PLEKHA6: variants seen among roughly 807,000 people sequenced by gnomAD.
PLEKHA6 encodes pleckstrin homology domain containing A6.
Under a neutral mutation model 116.7 loss-of-function variants are expected in PLEKHA6, and 60 were observed. That is an observed-to-expected ratio of 0.51 (90% CI 0.42 to 0.64). The LOEUF (loss-of-function observed/expected upper bound fraction) is 0.64. Ranked by LOEUF, PLEKHA6 falls within the 30% of genes least tolerant of loss-of-function variation. PLEKHA6 has a pLI of 0.00. For synonymous variants in PLEKHA6, 489 were observed against 556.1 expected, an observed-to-expected ratio of 0.88 and a Z score of 1.70; for missense variants, 1,338 against 1,422.7, an observed-to-expected ratio of 0.94 and a Z score of 0.96.
At chr1:204,302,855 G>T (rs151041642) in intron 1 of PLEKHA6, among the ~76,000 whole-genome samples, 2,955 of 151,160 alleles carry the variant, frequency 0.02, 83 homozygotes, top group African/African-American at 0.065. Flanking sequence ...CAGCCTGGGG[G>T]ACAAGAGCAA....
At chr1:204,293,810 G>A (rs1670005003) in intron 1 of PLEKHA6, among the ~76,000 whole-genome samples, 1 of 152,168 alleles carries the variant, frequency 6.6e-6, no homozygotes. Context: ...GACGGGACAA[G>A]GCTCAGGAAG....
intron 13 of PLEKHA6, among the ~76,000 whole-genome samples, chr1:204,246,761 C>T (rs4951328): frequency 0.69 from 104,872 of 152,080 alleles, 36,427 homozygotes; most frequent in East Asian, 0.82. Context: ...AAAAGCCTCT[C>T]TCCTATCTAA....
At chr1:204,249,481 G>C (rs1664249454) in intron 10 of PLEKHA6, among the ~76,000 whole-genome samples, 1 of 152,150 alleles carries the variant, frequency 6.6e-6, no homozygotes, top group Non-Finnish European at 1.5e-5. Context: ...CTGAGGAAGT[G>C]AGTTGGGTTA....
At chr1:204,355,958 A>G (rs1673401674) in intron 1 of PLEKHA6, among the ~76,000 whole-genome samples, 1 of 149,958 alleles carries the variant, frequency 6.7e-6, no homozygotes, top group Non-Finnish European at 1.5e-5. Context: ...GTAATACTCA[A>G]TGTTGATGCT....
intron 1 of PLEKHA6, among the ~76,000 whole-genome samples, chr1:204,346,093 T>C (rs1196842818): frequency 6.6e-6 from 1 of 152,210 alleles, no homozygotes; most frequent in Non-Finnish European, 1.5e-5. Context: ...AGGGAAGCTA[T>C]GGCTCCTAGA....
rs746439762 is a variant in PLEKHA6, at chr1:204,264,928, G to T, written c.381+14C>A. The T allele has an allele frequency of 1.3e-6, 2 of 1,587,682 alleles. No homozygotes were observed. Among genetic ancestry groups the T allele is most frequent in the South Asian group, 1.1e-5 (1 of 90,600 alleles). On this transcript the variant is annotated intron_variant, in intron 6 of 22. Transcript: ENST00000272203. ...TCCTTCCCCACCTGCCCTGGGAAGG[G>T]AAGGCCAACTGACCTTAAACGTGTG...
intron 17 of PLEKHA6, among the ~76,000 whole-genome samples, chr1:204,233,377 G>A (rs966004506): frequency 2.1e-5 from 3 of 139,716 alleles, no homozygotes; most frequent in African/African-American, 8.1e-5. Context: ...GTCTCACTCT[G>A]TCACCCAGGC....
intron 1 of PLEKHA6, among the ~76,000 whole-genome samples, chr1:204,331,645 C>T (rs1672453061): frequency 6.6e-6 from 1 of 152,092 alleles, no homozygotes; most frequent in African/African-American, 2.4e-5. Flanking sequence ...GAGAATCATG[C>T]TTGGCCTATT....
At chr1:204,347,515 C>A (rs575461493) in intron 1 of PLEKHA6, among the ~76,000 whole-genome samples, 5 of 150,546 alleles carry the variant, frequency 3.3e-5, no homozygotes, top group Non-Finnish European at 7.4e-5. Flanking sequence ...ACATCCTCCT[C>A]GGCTTACGAG....
intron 9 of PLEKHA6, among the ~76,000 whole-genome samples, chr1:204,252,219 A>T (rs1275871518): frequency 6.7e-6 from 1 of 149,680 alleles, no homozygotes; most frequent in Non-Finnish European, 1.5e-5. Context: ...CAAAACAAGC[A>T]AGCCACATTA....
At chr1:204,281,591 T>C (rs2102966521) in intron 1 of PLEKHA6, among the ~76,000 whole-genome samples, 1 of 152,166 alleles carries the variant, frequency 6.6e-6, no homozygotes, top group Admixed American at 6.5e-5. Context: ...CCCTCCTGTC[T>C]CTAAAAACAA....
chr1:204,253,360 T>C (rs1477018915), intron 9 of PLEKHA6, among the ~76,000 whole-genome samples: 2 of 151,974 alleles, frequency 1.3e-5, no homozygotes, highest in Non-Finnish European at 1.5e-5. Context: ...ATGGCAGAGC[T>C]AGAACTAGAG....
At chr1:204,303,901 G>A (rs1429759504) in intron 1 of PLEKHA6, among the ~76,000 whole-genome samples, 1 of 152,052 alleles carries the variant, frequency 6.6e-6, no homozygotes, top group African/African-American at 2.4e-5. Flanking sequence ...TTTTTGTAGA[G>A]ACGGGATTTC....
At chr1:204,280,814 A>C (rs888964635) in intron 1 of PLEKHA6, 4 of 160,236 alleles carry the variant, frequency 2.5e-5, no homozygotes, top group African/African-American at 9.6e-5. Flanking sequence ...TGTCCCAATT[A>C]AAAACCAACT....
rs867107686 is a variant in PLEKHA6, at chr1:204,219,671, C to T, written c.*3117G>A. 1 of 152,206 alleles carries T rather than the reference C, an allele frequency of 6.6e-6. No individual in the cohort carries two copies. Among genetic ancestry groups the T allele is most frequent in the Non-Finnish European group, 1.5e-5 (1 of 68,062 alleles). The allele number at this position is 152,206 out of a possible 1,614,324, so 9.4% of individuals were successfully genotyped here. ...TGGCCAGGAGCTCTGCTCTAGATTC[C>T]CAAGCCCTTGATTTCAGACCTAGAC... On this transcript the variant is annotated 3_prime_UTR_variant, in exon 23 of 23. Coordinates refer to ENST00000272203, the MANE Select transcript of PLEKHA6 (RefSeq NM_014935.5).
At chr1:204,283,955 G>C (rs1558136095) in intron 1 of PLEKHA6, among the ~76,000 whole-genome samples, 2 of 152,202 alleles carry the variant, frequency 1.3e-5, no homozygotes, top group Admixed American at 1.3e-4. Flanking sequence ...GAGTTTGATG[G>C]AGCAGCTGTA....
rs772519323 is a variant in PLEKHA6, at chr1:204,264,914, C to T, written c.381+28G>A. On this transcript the variant is annotated intron_variant, in intron 6 of 22. Coordinates refer to ENST00000272203, the MANE Select transcript of PLEKHA6 (RefSeq NM_014935.5). ...AGAAGAGCAGGCCTTCCTTCCCCAC[C>T]TGCCCTGGGAAGGGAAGGCCAACTG... is the stretch of plus-strand genomic sequence containing the variant. 1.0e-5 allele frequency: 15 copies of T among 1,497,560 alleles called. No individual in the cohort carries two copies. In the African/African-American group the frequency reaches 1.6e-4, roughly 16 times the overall value. The allele number at this position is 1,497,560 out of a possible 1,614,324, so 92.8% of individuals were successfully genotyped here.
At chr1:204,339,251 A>G (rs1278647326) in intron 1 of PLEKHA6, among the ~76,000 whole-genome samples, 1 of 152,194 alleles carries the variant, frequency 6.6e-6, no homozygotes, top group African/African-American at 2.4e-5. Flanking sequence ...TCGAGCCTTC[A>G]GAGGATGGCC....
intron 1 of PLEKHA6, chr1:204,307,817 C>A: frequency 1.0e-6 from 1 of 971,990 alleles, no homozygotes; most frequent in South Asian, 4.7e-5. Flanking sequence ...CTGCCAGGTG[C>A]TCTCCACTGT....
Sources: gnomAD v4.1 joint callset for allele counts (sites outside exome capture counted in the v4.1 genomes callset) on GRCh38, gnomAD v4.1.1 for gene constraint, MANE v1.5 for transcripts, NCBI Gene and HGNC (gene_info 2026-07-23, HGNC 2026-07-21) for gene names.